RNF128: variants seen among roughly 807,000 people sequenced by gnomAD.
RNF128 encodes E3 ubiquitin-protein ligase RNF128.
A neutral mutation model predicts 26.2 loss-of-function variants in RNF128; 13 were observed. The ratio of observed to expected loss-of-function variants is 0.50; its 90% CI spans 0.32 to 0.79. The LOEUF is 0.79. RNF128 is among the 30% of genes least tolerant of loss of function. The pLI is 0.03. For synonymous variants in RNF128, 149 were observed against 142.5 expected (o/e 1.05, Z -0.32); for missense variants, 315 against 349.7 (o/e 0.90, Z 0.79).
At chrX:106,727,540 C>A in intron 1 of RNF128, 143 bp downstream of exon 1, 1 of 784,816 alleles carries the variant, frequency 1.3e-6, no homozygotes, top group Non-Finnish European at 1.8e-6. Context: ...GGGGCAGGGT[C>A]CTCCCCGAGA....
upstream of RNF128, among the ~76,000 whole-genome samples, chrX:106,725,104 C>T (rs1298624707): frequency 1.8e-5 from 2 of 111,832 alleles, no homozygotes; most frequent in East Asian, 5.6e-4. Flanking sequence ...GAATGCTCTT[C>T]ACCAGCAAAA....
chrX:106,749,369 A>G (rs1468019922), intron 1 of RNF128, among the ~76,000 whole-genome samples: 1 of 112,234 alleles, frequency 8.9e-6, no homozygotes, highest in African/African-American at 3.2e-5. Flanking sequence ...GACCCTTTCC[A>G]ATATTTTAAG....
At chrX:106,778,629 G>T (rs748089358) in intron 2 of RNF128, among the ~76,000 whole-genome samples, 5 of 111,248 alleles carry the variant, frequency 4.5e-5, no homozygotes, top group Non-Finnish European at 9.4e-5. Context: ...CTCAGTTTCC[G>T]GCAACATGGC....
intron 1 of RNF128, among the ~76,000 whole-genome samples, chrX:106,728,943 T>C (rs1298532814): frequency 4.5e-5 from 5 of 112,242 alleles, no homozygotes; most frequent in African/African-American, 9.7e-5. Context: ...ATCAGTAGCT[T>C]TTAGAAGTTA....
At chrX:106,744,384 C>T (rs1008950621) in intron 1 of RNF128, among the ~76,000 whole-genome samples, 1 of 111,747 alleles carries the variant, frequency 8.9e-6, no homozygotes, top group Non-Finnish European at 1.9e-5. Context: ...AAAACAATGC[C>T]ACTCTTCCTT....
At chrX:106,730,755 C>T (rs1929487255) in intron 1 of RNF128, among the ~76,000 whole-genome samples, 1 of 110,413 alleles carries the variant, frequency 9.1e-6, no homozygotes, top group Non-Finnish European at 1.9e-5. Context: ...ACATTTACAA[C>T]GTTATGCATA....
At chrX:106,760,912 T>C (rs1930109904) in intron 1 of RNF128, among the ~76,000 whole-genome samples, 1 of 111,732 alleles carries the variant, frequency 8.9e-6, no homozygotes, top group African/African-American at 3.2e-5. Flanking sequence ...AAAACAAAAG[T>C]TGGCAAATGC....
chrX:106,772,323 G>A (rs1930387626), intron 1 of RNF128, among the ~76,000 whole-genome samples: 1 of 111,252 alleles, frequency 9.0e-6, no homozygotes, highest in African/African-American at 3.3e-5. Context: ...TAAAACCTTA[G>A]AACACCTTGA....
At chrX:106,709,022 A>G (rs1180953953) in intron 1 of RNF128, among the ~76,000 whole-genome samples, 2 of 111,729 alleles carry the variant, frequency 1.8e-5, no homozygotes, top group Non-Finnish European at 3.8e-5. Flanking sequence ...TATATACAGT[A>G]TGAATTTTCT....
chrX:106,745,021 A>G (rs1929771069), intron 1 of RNF128, among the ~76,000 whole-genome samples: 2 of 111,428 alleles, frequency 1.8e-5, no homozygotes, highest in African/African-American at 6.5e-5. Context: ...AGAATTGTTT[A>G]CCTATGAGTG....
chrX:106,778,939 C>T (rs1930517148), intron 2 of RNF128, among the ~76,000 whole-genome samples: 1 of 112,166 alleles, frequency 8.9e-6, no homozygotes, highest in Non-Finnish European at 1.9e-5. Flanking sequence ...TACCTGCACA[C>T]TGTACCACTA....
upstream of RNF128, among the ~76,000 whole-genome samples, chrX:106,724,490 G>T (rs1929363051): frequency 9.0e-6 from 1 of 111,523 alleles, no homozygotes. Flanking sequence ...TTACCCAAAG[G>T]ACTCTCAAGA....
At chrX:106,783,498 G>A (rs886174746) in intron 2 of RNF128, among the ~76,000 whole-genome samples, 7 of 111,008 alleles carry the variant, frequency 6.3e-5, no homozygotes, top group Non-Finnish European at 1.1e-4. Flanking sequence ...AGCTGGGGAC[G>A]GGGGTACATA....
intron 1 of RNF128, among the ~76,000 whole-genome samples, chrX:106,762,694 G>T (rs1243674770): frequency 9.0e-6 from 1 of 110,683 alleles, no homozygotes; most frequent in African/African-American, 3.3e-5. Context: ...TGTCACAGGG[G>T]TTTGTGTACA....
At chrX:106,786,592 A>C (rs5917020) in intron 3 of RNF128, among the ~76,000 whole-genome samples, 24,559 of 110,436 alleles carry the variant, frequency 0.22, 2,773 homozygotes, top group Non-Finnish European at 0.33. Flanking sequence ...AAAAAAGAAA[A>C]AAGTTGATAC....
intron 2 of RNF128, among the ~76,000 whole-genome samples, chrX:106,775,910 G>A (rs1020649311): frequency 1.1e-4 from 12 of 111,808 alleles, no homozygotes; most frequent in Non-Finnish European, 1.9e-4. Context: ...ACTGATAACT[G>A]TAACCATAAA....
chrX:106,791,291 C>T, intron 6 of RNF128, 57 bp downstream of exon 6: 1 of 1,025,542 alleles, frequency 9.8e-7, no homozygotes, highest in Admixed American at 2.8e-5. Flanking sequence ...GATCATATGC[C>T]TGTATAGTAC....
chrX:106,780,284 A>G (rs1007585927), intron 2 of RNF128, among the ~76,000 whole-genome samples: 1 of 111,978 alleles, frequency 8.9e-6, no homozygotes. Context: ...CTTTCACCAT[A>G]ATTTCAAAAT....
chrX:106,760,063 C>T (rs1488377563), intron 1 of RNF128, among the ~76,000 whole-genome samples: 2 of 110,447 alleles, frequency 1.8e-5, no homozygotes, highest in East Asian at 5.6e-4. Context: ...AATATATACA[C>T]CTGACATGCA....
Sources: gnomAD v4.1 joint callset for allele counts (sites outside exome capture counted in the v4.1 genomes callset) on GRCh38, gnomAD v4.1.1 for gene constraint, MANE v1.5 for transcripts, NCBI Gene and HGNC (gene_info 2026-07-23, HGNC 2026-07-21) for gene names.